The following GSTA2 variants were observed in gnomAD, a reference collection of about 807,000 sequenced individuals.
GSTA2 encodes glutathione S-transferase A2.
GSTA2 carries 27 observed loss-of-function variants against 22.4 expected under a neutral mutation model. The ratio of observed to expected loss-of-function variants is 1.21; its 90% CI spans 0.89 to 1.67. GSTA2 has a LOEUF of 1.67. Among genes scored for constraint, GSTA2 ranks in the 40% most tolerant of loss-of-function variants. The probability of loss-of-function intolerance (pLI) is 0.00; values close to 1 mark genes in which losing one functional copy is unlikely to be tolerated. For synonymous variants in GSTA2, 121 were observed against 86.8 expected (o/e 1.39, Z -2.19); for missense variants, 302 against 260.2 (o/e 1.16, Z -1.11).
At chr6:52,761,205 G>A (rs923642379) in intron 1 of GSTA2, among the ~76,000 whole-genome samples, 1 of 152,306 alleles carries the variant, frequency 6.6e-6, no homozygotes, top group African/African-American at 2.4e-5. Flanking sequence ...CAGGGTGTTT[G>A]CTCTTGTCCC....
rs781442459 is a variant in GSTA2 at position 52,757,903 on chromosome 6, T to C, written c.45A>G (p.Arg15=). 2.5e-6 allele frequency: 4 copies of C among 1,613,814 alleles called. No individual in the cohort carries two copies. The East Asian group carries it at 8.9e-5, about 36-fold the overall frequency. ...CCAGGAGCCACCGGATGGACTCCATTCTGCCCCGTATATTGGAGTAGTGGA... is the reference window on the plus strand; with the variant it reads ...CCAGGAGCCACCGGATGGACTCCATCCTGCCCCGTATATTGGAGTAGTGGA... The part of the protein sequence containing the change: ...PKLHYSNIRG[R]MESIRWLLAA... The change falls in exon 2 of 7, where the codon AGA becomes AGG. Residue 15 remains arginine (R), a synonymous_variant. Transcript: ENST00000493422.
chr6:52,760,762 T>C (rs1257270257), intron 1 of GSTA2, among the ~76,000 whole-genome samples: 33 of 152,198 alleles, frequency 2.2e-4, no homozygotes, highest in Admixed American at 2.2e-3. Flanking sequence ...ATCTAATTCC[T>C]GAGTTCCTCC....
rs149505378 is a variant in GSTA2, at chr6:52,751,610, G to A, written c.513C>T (p.Asp171=). 18 of 1,614,126 alleles carry A rather than the reference G, an allele frequency of 1.1e-5. No homozygotes were observed. The African/African-American group carries it at 2.0e-4, about 18-fold the overall frequency. Residue 171 remains aspartate, a synonymous_variant, in exon 6 of 7, where the codon GAC becomes GAT. Transcript: ENST00000493422. ...VELLYYVEEL[D]SSLISSFPLL... ...GAGGGAAGCTGGAAATAAGGCTAGA[G>A]TCAAGCTCTTCCACGTAGTAGAGAA...
At chr6:52,756,568 A>G (rs1340859638) in intron 2 of GSTA2, among the ~76,000 whole-genome samples, 1 of 152,200 alleles carries the variant, frequency 6.6e-6, no homozygotes, top group East Asian at 1.9e-4. Context: ...TGATTAGGTC[A>G]TGTTTTGAGA....
At chr6:52,754,628 C>A (rs73740526) in intron 4 of GSTA2, among the ~76,000 whole-genome samples, 3 of 152,170 alleles carry the variant, frequency 2.0e-5, no homozygotes, top group Non-Finnish European at 4.4e-5. Flanking sequence ...GGGGTCCAGC[C>A]TCTGAAGTCC....
chr6:52,756,313 G>A lies in GSTA2; in HGVS notation c.88-4C>T. The A allele has an allele frequency of 6.3e-7, 1 of 1,596,772 alleles. No homozygotes were observed. Among genetic ancestry groups the A allele is most frequent in the Non-Finnish European group, 8.6e-7 (1 of 1,164,832 alleles). On this transcript the variant is annotated splice_region_variant and splice_polypyrimidine_tract_variant and intron_variant, in intron 2 of 6. Coordinates refer to ENST00000493422, the MANE Select transcript of GSTA2 (RefSeq NM_000846.5). ...ATTTTATAAATTTCTCTTCAAACTG[G>A]AAGCAGAAACAGTAAATATGTTCTT...
In GSTA2 at chr6:52,759,563, G is replaced by GTTTTTTTTTGTTTTTTTTTTTT. The variant is rs1762913408; in HGVS notation, c.-30-1587_-30-1586insAAAAAAAAAAAACAAAAAAAAA. On this transcript the variant is annotated intron_variant, in intron 1 of 6. Coordinates refer to ENST00000493422, the MANE Select transcript of GSTA2 (RefSeq NM_000846.5). ...CCTTTAACAACTAATGTATTTATTT[G>GTTTTTTTTTGTTTTTTTTTTTT]TTTTTTTTTTTTTTTTTTTTTTTTT... is the stretch of plus-strand genomic sequence containing the variant. 2.9e-4 allele frequency among the ~76,000 whole-genome samples: 10 copies of GTTTTTTTTTGTTTTTTTTTTTT among 34,164 alleles called. 3 individuals are homozygous for GTTTTTTTTTGTTTTTTTTTTTT. Among genetic ancestry groups the GTTTTTTTTTGTTTTTTTTTTTT allele is most frequent in the African/African-American group, 6.9e-4 (8 of 11,536 alleles). 22.4% of individuals were successfully genotyped at this position (34,164 alleles called of 152,430 possible). A position where few individuals can be genotyped will look rare whatever the true frequency, so the allele number is the denominator to read the frequency against.
chr6:52,761,684 A>C (rs552265861), intron 1 of GSTA2, among the ~76,000 whole-genome samples: 110 of 150,554 alleles, frequency 7.3e-4, no homozygotes, highest in African/African-American at 2.6e-3. Flanking sequence ...TAGCCCCATG[A>C]GGTCATGTAG....
At chr6:52,758,231 A>G (rs1762885077) in intron 1 of GSTA2, among the ~76,000 whole-genome samples, 1 of 152,140 alleles carries the variant, frequency 6.6e-6, no homozygotes, top group African/African-American at 2.4e-5. Context: ...AAGAGGTGAG[A>G]GTATGTGGTA....
chr6:52,758,501 G>A (rs556435922), intron 1 of GSTA2, among the ~76,000 whole-genome samples: 8 of 152,270 alleles, frequency 5.3e-5, no homozygotes, highest in African/African-American at 1.7e-4. Flanking sequence ...AATCATGCCT[G>A]GAAGCCAGCT....
Position 52,751,624 on chromosome 6 carries a change from C to G in GSTA2, c.499G>C (p.Val167Leu). 1.2e-6 allele frequency: 2 copies of G among 1,614,112 alleles called. No homozygotes were observed. Among genetic ancestry groups the G allele is most frequent in the South Asian group, 1.1e-5 (1 of 91,082 alleles). The stretch of plus-strand genomic sequence containing the variant: ...ATAAGGCTAGAGTCAAGCTCTTCCA[C>G]GTAGTAGAGAAGTTCCACCAGGTGA... ...DIHLVELLYY[V>L]EELDSSLISS... Residue 167 changes from valine (V) to leucine (L), a missense_variant, in exon 6 of 7, where the codon GTG (valine) becomes CTG (leucine). Transcript: ENST00000493422.
rs200848146 is a variant in GSTA2 at position 52,752,872 on chromosome 6, G to T, written c.396C>A (p.Tyr132Ter). ...ALIQEKTKNR[Y>*]FPAFEKVLKS... ...CACTTACTTTTTCAAAGGCAGGGAA[G>T]TAGCGATTTTTTGTTTTCTCTTGGA... Residue 132 changes from tyrosine to a stop codon, truncating the protein, a stop_gained, in exon 5 of 7, where the codon TAC (tyrosine) becomes TAA (stop). Transcript: ENST00000493422. LOFTEE classifies it high-confidence loss of function. 6.2e-7 allele frequency: 1 copy of T among 1,613,978 alleles called. No individual in the cohort carries two copies. Among genetic ancestry groups the T allele is most frequent in the Non-Finnish European group, 8.5e-7 (1 of 1,179,910 alleles).
intron 1 of GSTA2, among the ~76,000 whole-genome samples, chr6:52,760,244 G>C (rs1353165314): frequency 6.6e-6 from 1 of 152,148 alleles, no homozygotes; most frequent in Non-Finnish European, 1.5e-5. Context: ...GCCATTGATC[G>C]AGGATCATGT....
intron 3 of GSTA2, among the ~76,000 whole-genome samples, chr6:52,755,580 C>T (rs1762825839): frequency 6.6e-6 from 1 of 151,994 alleles, no homozygotes; most frequent in Non-Finnish European, 1.5e-5. Flanking sequence ...AGTTTTTATC[C>T]ATTTATTTCA....
rs768425193 is a variant in GSTA2 at position 52,755,036 on chromosome 6, A to G, written c.179T>C (p.Ile60Thr). 2 of 1,614,048 alleles carry G rather than the reference A, an allele frequency of 1.2e-6. No homozygotes were observed. Among genetic ancestry groups the G allele is most frequent in the South Asian group, 1.1e-5 (1 of 91,064 alleles). Residue 60 changes from isoleucine (I) to threonine (T), a missense_variant, in exon 4 of 7, where the codon ATT (isoleucine) becomes ACT (threonine). Physicochemically the swap from Ile to Thr is moderately conservative, Grantham distance 89. Transcript: ENST00000493422. Reference sequence around the variant, plus strand: ...GGTCTGCACCAGCTTCATCCCATCAATCTCAACCATTGGCACTTGCTGGAA... The same window carrying G: ...GGTCTGCACCAGCTTCATCCCATCAGTCTCAACCATTGGCACTTGCTGGAA... ...LMFQQVPMVE[I>T]DGMKLVQTRA... is the part of the protein sequence containing the mutation.
intron 1 of GSTA2, among the ~76,000 whole-genome samples, chr6:52,759,581 T>TTG (rs1762916635): frequency 1.6e-5 from 2 of 121,620 alleles, no homozygotes; most frequent in African/African-American, 6.7e-5. Context: ...TTTTTTTTTT[T>TTG]TTTTTTTTTT....
At chr6:52,752,610 A>G (rs569379531) in intron 5 of GSTA2, among the ~76,000 whole-genome samples, 1 of 152,350 alleles carries the variant, frequency 6.6e-6, no homozygotes, top group South Asian at 2.1e-4. Flanking sequence ...AATTCTGTTG[A>G]ACAGATAATT....
chr6:52,759,592 T>G (rs1228568793), intron 1 of GSTA2, among the ~76,000 whole-genome samples: 3 of 97,740 alleles, frequency 3.1e-5, no homozygotes, highest in South Asian at 3.6e-4. Context: ...TTTTTTTTTT[T>G]TTTTTTTTTG....
intron 3 of GSTA2, among the ~76,000 whole-genome samples, chr6:52,755,317 C>G (rs1272462767): frequency 6.7e-6 from 1 of 149,744 alleles, no homozygotes; most frequent in Non-Finnish European, 1.5e-5. Context: ...CAGGTTCAAG[C>G]GATTCTACTA....
Sources: allele counts gnomAD v4.1 joint callset (sites outside exome capture counted in the v4.1 genomes callset), GRCh38; gene constraint gnomAD v4.1.1; transcripts MANE v1.5; gene names NCBI Gene and HGNC (gene_info 2026-07-23, HGNC 2026-07-21).